KCNB2: variants seen among roughly 807,000 people sequenced by gnomAD.
The protein encoded by KCNB2 is delayed rectifier potassium channel protein.
Under a neutral mutation model 61.5 loss-of-function variants are expected in KCNB2, and 15 were observed. The observed-to-expected ratio is 0.24, with a 90% CI of 0.16 to 0.38. KCNB2 has a LOEUF of 0.38. KCNB2 is among the 10% of genes least tolerant of loss of function. KCNB2 has a pLI of 1.00. For missense variants in KCNB2, 828 were observed against 1,125.2 expected (o/e 0.74, Z 3.78); for synonymous variants, 457 against 446.0 (o/e 1.02, Z -0.31).
At chr8:72,597,056 A>C in intron 2 of KCNB2, among the ~76,000 whole-genome samples, 3 of 102,540 alleles carry the variant, frequency 2.9e-5, no homozygotes, top group East Asian at 3.5e-4. Context: ...ATGGACTCTC[A>C]TTCTGTCACC....
At chr8:72,827,266 A>G (rs769745787) in intron 2 of KCNB2, among the ~76,000 whole-genome samples, 9 of 152,184 alleles carry the variant, frequency 5.9e-5, no homozygotes, top group Non-Finnish European at 4.4e-5. Flanking sequence ...GATGTATGCT[A>G]GGAAGTCAAT....
At chr8:72,569,939 A>G (rs1296147140) in intron 2 of KCNB2, among the ~76,000 whole-genome samples, 1 of 152,178 alleles carries the variant, frequency 6.6e-6, no homozygotes, top group East Asian at 1.9e-4. Context: ...ATTTGTTCAT[A>G]ATGACATTAT....
intron 2 of KCNB2, among the ~76,000 whole-genome samples, chr8:72,821,385 A>C (rs548975011): frequency 6.6e-6 from 1 of 152,274 alleles, no homozygotes; most frequent in South Asian, 2.1e-4. Context: ...GGCAGCACTA[A>C]GCTCAGGTGT....
chr8:72,650,598 C>A (rs539489585), intron 2 of KCNB2, among the ~76,000 whole-genome samples: 1 of 152,164 alleles, frequency 6.6e-6, no homozygotes, highest in Non-Finnish European at 1.5e-5. Flanking sequence ...TCTGATACCA[C>A]CTGTACTATT....
chr8:72,714,553 C>T (rs1489453911), intron 2 of KCNB2, among the ~76,000 whole-genome samples: 1 of 152,022 alleles, frequency 6.6e-6, no homozygotes, highest in Non-Finnish European at 1.5e-5. Flanking sequence ...TCATATCCAG[C>T]CAAATTAAGC....
intron 2 of KCNB2, among the ~76,000 whole-genome samples, chr8:72,635,218 C>T (rs1563544972): frequency 6.6e-6 from 1 of 152,186 alleles, no homozygotes; most frequent in South Asian, 2.1e-4. Context: ...AACAAGCTTC[C>T]TCTTCCCCTT....
At chr8:72,643,653 T>C (rs886610953) in intron 2 of KCNB2, among the ~76,000 whole-genome samples, 1 of 152,160 alleles carries the variant, frequency 6.6e-6, no homozygotes, top group African/African-American at 2.4e-5. Flanking sequence ...TTATCATTGC[T>C]AGGTTTTTCC....
chr8:72,931,837 A>G (rs1171925486), intron 2 of KCNB2, among the ~76,000 whole-genome samples: 1 of 152,128 alleles, frequency 6.6e-6, no homozygotes, highest in Admixed American at 6.6e-5. Flanking sequence ...ACGTGGTGAA[A>G]CGCTGTCGCT....
chr8:72,645,136 C>G (rs1271766705), intron 2 of KCNB2, among the ~76,000 whole-genome samples: 1 of 152,134 alleles, frequency 6.6e-6, no homozygotes, highest in East Asian at 1.9e-4. Context: ...AGAGCCCTAA[C>G]CAGTGTCACA....
intron 2 of KCNB2, among the ~76,000 whole-genome samples, chr8:72,881,966 G>C (rs4412410): frequency 6.6e-6 from 1 of 152,128 alleles, no homozygotes; most frequent in South Asian, 2.1e-4. Flanking sequence ...AAAACCCAGC[G>C]TTATCATTTT....
intron 2 of KCNB2, among the ~76,000 whole-genome samples, chr8:72,820,836 A>G (rs540357169): frequency 6.6e-6 from 1 of 152,306 alleles, no homozygotes; most frequent in African/African-American, 2.4e-5. Flanking sequence ...AGACAGAATC[A>G]TCCTATTTCC....
chr8:72,647,975 C>T (rs1806156826), intron 2 of KCNB2, among the ~76,000 whole-genome samples: 1 of 152,094 alleles, frequency 6.6e-6, no homozygotes, highest in South Asian at 2.1e-4. Flanking sequence ...TTAGTAAATG[C>T]CCTAAGAAAG....
intron 2 of KCNB2, among the ~76,000 whole-genome samples, chr8:72,669,973 A>T (rs1247956589): frequency 6.6e-6 from 1 of 152,234 alleles, no homozygotes; most frequent in Non-Finnish European, 1.5e-5. Context: ...GCCAGGCATG[A>T]GGAGAGCTGA....
At chr8:72,735,998 T>C (rs1376912408) in intron 2 of KCNB2, among the ~76,000 whole-genome samples, 1 of 152,172 alleles carries the variant, frequency 6.6e-6, no homozygotes, top group Non-Finnish European at 1.5e-5. Flanking sequence ...AATTTCCATA[T>C]ATTTTTGCAG....
At chr8:72,572,254 A>T (rs903601481) in intron 2 of KCNB2, among the ~76,000 whole-genome samples, 1 of 152,286 alleles carries the variant, frequency 6.6e-6, no homozygotes, top group Non-Finnish European at 1.5e-5. Flanking sequence ...CTCTAAGAGC[A>T]TAAGTGGATG....
chr8:72,773,636 G>T (rs1303825658), intron 2 of KCNB2, among the ~76,000 whole-genome samples: 1 of 152,180 alleles, frequency 6.6e-6, no homozygotes, highest in Admixed American at 6.5e-5. Context: ...CCTAAAGTCT[G>T]CCCAAGCTGT....
At chr8:72,920,469 CTATCTATA>C (rs1257112695) in intron 2 of KCNB2, among the ~76,000 whole-genome samples, 10 of 71,276 alleles carry the variant, frequency 1.4e-4, no homozygotes, top group African/African-American at 5.4e-4. Context: ...ATCTATCTAT[CTATCTATA>C]TATATATATA....
At chr8:72,588,554 T>C (rs1396204527) in intron 2 of KCNB2, among the ~76,000 whole-genome samples, 1 of 152,008 alleles carries the variant, frequency 6.6e-6, no homozygotes, top group Non-Finnish European at 1.5e-5. Flanking sequence ...CTTGTACTTT[T>C]CTCATCCCAT....
chr8:72,902,748 T>C (rs1209135553), intron 2 of KCNB2, among the ~76,000 whole-genome samples: 1 of 152,226 alleles, frequency 6.6e-6, no homozygotes, highest in South Asian at 2.1e-4. Context: ...ATTAGTGATA[T>C]CTACTTTTAG....
Sources: allele counts gnomAD v4.1 joint callset (sites outside exome capture counted in the v4.1 genomes callset), GRCh38; gene constraint gnomAD v4.1.1; transcripts MANE v1.5; gene names NCBI Gene and HGNC (gene_info 2026-07-23, HGNC 2026-07-21).